MALSU1: variants seen among roughly 807,000 people sequenced by gnomAD.
The protein encoded by MALSU1 is mitochondrial assembly of ribosomal large subunit protein 1.
MALSU1 carries 22 observed loss-of-function variants against 22.1 expected under a neutral mutation model. The ratio of observed to expected loss-of-function variants is 1.00; its 90% CI spans 0.71 to 1.42. The LOEUF is 1.42. MALSU1 is among the 40% of genes most tolerant of loss of function. The pLI is 0.00. For synonymous variants in MALSU1, 153 were observed against 118.5 expected, an observed-to-expected ratio of 1.29 and a Z score of -1.89; for missense variants, 379 against 308.3, an observed-to-expected ratio of 1.23 and a Z score of -1.72.
intron 1 of MALSU1, among the ~76,000 whole-genome samples, chr7:23,300,028 C>T (rs1783620483): frequency 6.6e-6 from 1 of 152,030 alleles, no homozygotes; most frequent in Non-Finnish European, 1.5e-5. Flanking sequence ...CTAGTTATTG[C>T]TGACGTTTTT....
At chr7:23,306,339 G>T (rs967865460) in intron 2 of MALSU1, among the ~76,000 whole-genome samples, 9 of 151,732 alleles carry the variant, frequency 5.9e-5, no homozygotes, top group Non-Finnish European at 1.2e-4. Flanking sequence ...CCCTAACTGG[G>T]TTTTTTTTGT....
intron 2 of MALSU1, among the ~76,000 whole-genome samples, chr7:23,302,012 G>T (rs1461183219): frequency 2.0e-5 from 3 of 151,944 alleles, no homozygotes; most frequent in African/African-American, 7.3e-5. Flanking sequence ...AGTTATATTA[G>T]CTATATTTCA....
intron 2 of MALSU1, among the ~76,000 whole-genome samples, chr7:23,302,764 C>T (rs768616268): frequency 2.0e-5 from 3 of 152,138 alleles, no homozygotes; most frequent in African/African-American, 7.2e-5. Flanking sequence ...ATATATATAA[C>T]GTAAAACCTA....
rs1217822511 is a variant in MALSU1, at chr7:23,311,058, C to A, written c.*1515C>A. 1 of 151,876 alleles carries A rather than the reference C, an allele frequency of 6.6e-6. No homozygotes were observed. The allele number at this position is 151,876 out of a possible 1,614,324, so 9.4% of individuals were successfully genotyped here. ...ATCTTTTGACTTTTTTTTCAAAGAA[C>A]TGATTGCACAGTATACAGAAATCCT... On this transcript the variant is annotated 3_prime_UTR_variant, in exon 4 of 4. Transcript: ENST00000466681.
rs1783820322 is a variant in MALSU1, at chr7:23,311,278, C to T, written c.*1735C>T. On this transcript the variant is annotated 3_prime_UTR_variant, in exon 4 of 4. Transcript: ENST00000466681. The stretch of plus-strand genomic sequence containing the variant: ...TGAAGTGTAGTGGCAAACTAAGCAT[C>T]CTATAAGACAAGCTAAAGCTTGCTT... 1 of 152,492 alleles carries T rather than the reference C, an allele frequency of 6.6e-6. No homozygotes were observed. Among genetic ancestry groups the T allele is most frequent in the South Asian group, 2.1e-4 (1 of 4,828 alleles). 9.4% of individuals were successfully genotyped at this position (152,492 alleles called of 1,614,324 possible). A position where few individuals can be genotyped will look rare whatever the true frequency, so the allele number is the denominator to read the frequency against.
At chr7:23,308,839 T>C (rs1247917101) in intron 3 of MALSU1, among the ~76,000 whole-genome samples, 4 of 152,180 alleles carry the variant, frequency 2.6e-5, no homozygotes, top group Non-Finnish European at 5.9e-5. Context: ...TTGTGCACGG[T>C]ACGATGTTTA....
At chr7:23,303,456 C>T (rs1405105741) in intron 2 of MALSU1, among the ~76,000 whole-genome samples, 2 of 152,064 alleles carry the variant, frequency 1.3e-5, no homozygotes, top group Non-Finnish European at 2.9e-5. Flanking sequence ...ATTGCTTCCA[C>T]CTTTTGGCTA....
Position 23,310,041 on chromosome 7 carries a change from A to AACTC in MALSU1, c.*499_*502dup, listed in dbSNP as rs1269166746. 5 of 152,188 alleles carry AACTC rather than the reference A, an allele frequency of 3.3e-5. No homozygotes were observed. Among genetic ancestry groups the AACTC allele is most frequent in the African/African-American group, 1.2e-4 (5 of 41,430 alleles). The allele number at this position is 152,188 out of a possible 1,614,324, so 9.4% of individuals were successfully genotyped here. ...AGTAAACAAAGTGTTTGTTAGGAAA[A>AACTC]ACTCTGAACGCTCTAGTTCTTAGTT... is the stretch of plus-strand genomic sequence containing the variant. On this transcript the variant is annotated 3_prime_UTR_variant, in exon 4 of 4. Transcript: ENST00000466681.
At chr7:23,303,566 G>T (rs370175662) in intron 2 of MALSU1, among the ~76,000 whole-genome samples, 1 of 152,166 alleles carries the variant, frequency 6.6e-6, no homozygotes. Flanking sequence ...AGAGGCCAAG[G>T]TGGGCGGATT....
intron 2 of MALSU1, among the ~76,000 whole-genome samples, chr7:23,302,569 C>T (rs1295091833): frequency 2.0e-5 from 3 of 152,138 alleles, no homozygotes; most frequent in Non-Finnish European, 4.4e-5. Flanking sequence ...ATACCAGGGT[C>T]TCTATCAGAT....
At chr7:23,300,768 C>G in intron 1 of MALSU1, 71 bp from the exon 2 acceptor site, 2 of 1,312,364 alleles carry the variant, frequency 1.5e-6, no homozygotes, top group East Asian at 2.3e-5. Flanking sequence ...AGTCAGCTGC[C>G]GGCATCTCTG....
chr7:23,299,514 C>A lies in MALSU1; in HGVS notation c.162C>A (p.Thr54=). ...CAGCGTTCTGCCGGGCTTGCCAGAC[C>A]CCAAACTTTGTCCGCGGCCTGCACA... ...VGAAFCRACQ[T]PNFVRGLHSE... The change falls in exon 1 of 4, where the codon ACC becomes ACA. Residue 54 remains threonine, a synonymous_variant. Transcript: ENST00000466681. 1.9e-6 allele frequency: 3 copies of A among 1,612,780 alleles called. No individual in the cohort carries two copies. The highest frequency in any genetic ancestry group is 2.5e-6 in the Non-Finnish European group (3 of 1,179,876).
At chr7:23,303,179 A>G (rs35487638) in intron 2 of MALSU1, among the ~76,000 whole-genome samples, 21,719 of 152,156 alleles carry the variant, frequency 0.14, 2,033 homozygotes, top group Admixed American at 0.2. Flanking sequence ...GAAACTCTGA[A>G]CTCATTAAAC....
At chr7:23,304,453 T>C (rs756713679) in intron 2 of MALSU1, among the ~76,000 whole-genome samples, 25 of 152,234 alleles carry the variant, frequency 1.6e-4, no homozygotes, top group Non-Finnish European at 3.2e-4. Flanking sequence ...ATATTTTCTT[T>C]TGCTTATTGG....
In MALSU1 at chr7:23,309,808, CT is replaced by C; in HGVS notation, c.*266del. On this transcript the variant is annotated 3_prime_UTR_variant, in exon 4 of 4. Coordinates refer to ENST00000466681, the MANE Select transcript of MALSU1 (RefSeq NM_138446.2). ...CAGAATTTCCTGGAGTTAGCACTGG[CT>C]CCTGTGCTTGACTTCTCTGCTCAGA... 4.1e-6 allele frequency: 1 copy of C among 244,480 alleles called. No individual in the cohort carries two copies. Among genetic ancestry groups the C allele is most frequent in the East Asian group, 7.6e-5 (1 of 13,126 alleles). The allele number at this position is 244,480 out of a possible 1,614,324, so 15.1% of individuals were successfully genotyped here. A position where few individuals can be genotyped will look rare whatever the true frequency, so the allele number is the denominator to read the frequency against.
chr7:23,300,339 A>G (rs548410824), intron 1 of MALSU1, among the ~76,000 whole-genome samples: 100 of 152,336 alleles, frequency 6.6e-4, no homozygotes, highest in African/African-American at 2.1e-3. Context: ...CTTAGGCCAC[A>G]GTAATTCTCC....
rs1289721211 is a variant in MALSU1, at chr7:23,310,231, T to C, written c.*688T>C. ...AGCTGCACCTAAATGATGAAAAAAT[T>C]TATTCTGCGTCAAGGTATCTGGAAA... On this transcript the variant is annotated 3_prime_UTR_variant, in exon 4 of 4. Transcript: ENST00000466681. 6.6e-6 allele frequency: 1 copy of C among 152,192 alleles called. No individual in the cohort carries two copies. The highest frequency in any genetic ancestry group is 1.5e-5 in the Non-Finnish European group (1 of 68,034). 9.4% of individuals were successfully genotyped at this position (152,192 alleles called of 1,614,324 possible). A position where few individuals can be genotyped will look rare whatever the true frequency, so the allele number is the denominator to read the frequency against.
At chr7:23,307,268 G>A (rs1444463261) in intron 2 of MALSU1, among the ~76,000 whole-genome samples, 1 of 151,988 alleles carries the variant, frequency 6.6e-6, no homozygotes, top group Admixed American at 6.6e-5. Flanking sequence ...TAGTTTCATT[G>A]ATTTTGTCTT....
At position 23,311,042 on chromosome 7, in the gene MALSU1, C is replaced by T. The variant is rs1783813482; in HGVS notation, c.*1499C>T. 6.6e-6 allele frequency: 1 copy of T among 151,774 alleles called. No individual in the cohort carries two copies. The highest frequency in any genetic ancestry group is 1.9e-4 in the East Asian group (1 of 5,176). 9.4% of individuals were successfully genotyped at this position (151,774 alleles called of 1,614,324 possible). The stretch of plus-strand genomic sequence containing the variant: ...TTTTCTTGTATTCTCTATCTTTTGA[C>T]TTTTTTTTCAAAGAACTGATTGCAC... On this transcript the variant is annotated 3_prime_UTR_variant, in exon 4 of 4. Transcript: ENST00000466681.
Sources: allele counts gnomAD v4.1 joint callset (sites outside exome capture counted in the v4.1 genomes callset), GRCh38; gene constraint gnomAD v4.1.1; transcripts MANE v1.5; gene names NCBI Gene and HGNC (gene_info 2026-07-23, HGNC 2026-07-21).